The following TBC1D15 variants were observed in gnomAD, a reference collection of about 807,000 sequenced individuals.
TBC1D15 encodes the protein TBC1 domain family member 15.
In TBC1D15, 39 loss-of-function variants were observed where a neutral mutation model predicts 95.4. The ratio of observed to expected loss-of-function variants is 0.41; its 90% CI spans 0.32 to 0.53. The LOEUF (loss-of-function observed/expected upper bound fraction) is 0.53. Among genes scored for constraint, TBC1D15 ranks in the 20% least tolerant of loss-of-function variants. TBC1D15 has a pLI of 0.29. For missense variants in TBC1D15, 733 were observed against 794.3 expected (o/e 0.92, Z 0.93); for synonymous variants, 258 against 261.3 (o/e 0.99, Z 0.12).
In TBC1D15 at chr12:71,894,850, A is replaced by T; in HGVS notation, c.822A>T (p.Gln274His). 6.2e-7 allele frequency: 1 copy of T among 1,613,010 alleles called. No homozygotes were observed. Among genetic ancestry groups the T allele is most frequent in the Non-Finnish European group, 8.5e-7 (1 of 1,179,178 alleles). Residue 274 changes from glutamine to histidine, a missense_variant, in exon 7 of 17, where the codon CAA (glutamine) becomes CAT (histidine). By Grantham distance (24) the Gln-to-His change is conservative. Transcript: ENST00000485960. The part of the protein sequence containing the change: ...SDAIPGLKIN[Q>H]QEEPGFEVIT... Reference sequence around the variant, plus strand: ...CTATTCCAGGTCTAAAGATAAATCAACAAGAAGAACCAGGATTTGAAGTCA... The same window carrying T: ...CTATTCCAGGTCTAAAGATAAATCATCAAGAAGAACCAGGATTTGAAGTCA...
intron 16 of TBC1D15, 145 bp from the exon 17 acceptor site, chr12:71,922,838 G>A (rs1164424858): frequency 2.6e-6 from 2 of 765,754 alleles, no homozygotes; most frequent in African/African-American, 1.8e-5. Context: ...TGAGAAAAAT[G>A]TTGTGAGAAG....
chr12:71,914,268 C>G (rs1317103231), intron 12 of TBC1D15, among the ~76,000 whole-genome samples: 2 of 151,880 alleles, frequency 1.3e-5, no homozygotes, highest in Non-Finnish European at 2.9e-5. Context: ...TCATCTGTTT[C>G]AGAGATAAAG....
rs142131346 is a variant in TBC1D15, at chr12:71,916,524, G to C, written c.1402-1174G>C. ...ATTCATTAAAGAGAAACAGCTTATT[G>C]AGAATTAATAGACTTAAATTTTTTT... On this transcript the variant is annotated intron_variant, in intron 12 of 16. Transcript: ENST00000485960. Among the ~76,000 whole-genome samples, 763 of 152,300 alleles carry C rather than the reference G, an allele frequency of 5.0e-3. 6 individuals are homozygous for C. Among genetic ancestry groups the C allele is most frequent in the African/African-American group, 0.017 (710 of 41,570 alleles).
intron 11 of TBC1D15, among the ~76,000 whole-genome samples, chr12:71,912,783 C>G (rs971375430): frequency 9.2e-5 from 14 of 152,092 alleles, no homozygotes; most frequent in African/African-American, 3.1e-4. Flanking sequence ...CCCAAGCTAC[C>G]AATAAAGAAA....
intron 15 of TBC1D15, 147 bp from the exon 16 acceptor site, chr12:71,921,221 A>C (rs985952227): frequency 7.0e-6 from 3 of 429,430 alleles, no homozygotes; most frequent in Non-Finnish European, 8.1e-6. Flanking sequence ...AGATATATTG[A>C]ATTTCTTACG....
chr12:71,882,579 A>G (rs1895423567), intron 4 of TBC1D15, among the ~76,000 whole-genome samples: 1 of 152,234 alleles, frequency 6.6e-6, no homozygotes. Context: ...TTGAGTAGAA[A>G]GATATTTTGA....
chr12:71,892,013 T>A (rs570547941), intron 5 of TBC1D15, among the ~76,000 whole-genome samples: 1 of 152,270 alleles, frequency 6.6e-6, no homozygotes, highest in South Asian at 2.1e-4. Flanking sequence ...TTTTGTTTCT[T>A]TATTAGCTAC....
Position 71,923,284 on chromosome 12 carries a change from T to G in TBC1D15, c.*80T>G. 1 of 1,306,756 alleles carries G rather than the reference T, an allele frequency of 7.7e-7. No individual in the cohort carries two copies. Among genetic ancestry groups the G allele is most frequent in the Non-Finnish European group, 1.1e-6 (1 of 916,760 alleles). The allele number at this position is 1,306,756 out of a possible 1,614,324, so 80.9% of individuals were successfully genotyped here. On this transcript the variant is annotated 3_prime_UTR_variant, in exon 17 of 17. Transcript: ENST00000485960. ...ACTTGAAAGTTGAAAATTTGAAATC[T>G]TGGTATTGATCATGCTTTAAGGTTT...
intron 1 of TBC1D15, chr12:71,861,323 G>A (rs1890314362): frequency 5.5e-6 from 3 of 548,554 alleles, no homozygotes; most frequent in Non-Finnish European, 8.7e-6. Flanking sequence ...CCACAGTGAA[G>A]CCATTGGGTT....
In TBC1D15 at chr12:71,906,670, A is replaced by G. The variant is rs946570042; in HGVS notation, c.1184-352A>G. Among the ~76,000 whole-genome samples, 6 of 150,958 alleles carry G rather than the reference A, an allele frequency of 4.0e-5. No individual in the cohort carries two copies. In the South Asian group the frequency reaches 1.0e-3, roughly 26 times the overall value. On this transcript the variant is annotated intron_variant, in intron 10 of 16. Transcript: ENST00000485960. ...TATTAGTTTTCAAGTACTGGTATCT[A>G]TGACATGCATTAATGACTGGCATTT...
At chr12:71,899,096 G>T (rs1345845458) in intron 10 of TBC1D15, among the ~76,000 whole-genome samples, 1 of 152,162 alleles carries the variant, frequency 6.6e-6, no homozygotes, top group African/African-American at 2.4e-5. Context: ...AACTGGAAGG[G>T]AAGTTAGAGG....
intron 4 of TBC1D15, among the ~76,000 whole-genome samples, chr12:71,880,923 A>G (rs1411151667): frequency 6.6e-6 from 1 of 152,208 alleles, no homozygotes; most frequent in Non-Finnish European, 1.5e-5. Flanking sequence ...TAATCATGTT[A>G]TTTTATCCTA....
At chr12:71,887,165 G>C (rs1461608422) in intron 5 of TBC1D15, among the ~76,000 whole-genome samples, 1 of 130,376 alleles carries the variant, frequency 7.7e-6, no homozygotes, top group African/African-American at 3.1e-5. Flanking sequence ...CCGGATCATT[G>C]TATTAATCCC....
chr12:71,905,269 A>C (rs1286545260), intron 10 of TBC1D15, among the ~76,000 whole-genome samples: 3 of 152,188 alleles, frequency 2.0e-5, no homozygotes, highest in Non-Finnish European at 4.4e-5. Context: ...ATTATGCTTG[A>C]GTTAATAAAA....
At chr12:71,890,281 G>C (rs535851268) in intron 5 of TBC1D15, among the ~76,000 whole-genome samples, 57 of 152,190 alleles carry the variant, frequency 3.7e-4, no homozygotes, top group African/African-American at 1.2e-3. Context: ...TAAGTAAAAC[G>C]ATGTTTCCAG....
At chr12:71,849,782 A>G (rs147337327) in intron 1 of TBC1D15, 46 of 550,398 alleles carry the variant, frequency 8.4e-5, no homozygotes, top group Admixed American at 2.0e-4. Flanking sequence ...GATCTCCAAA[A>G]TTGACTCTGA....
intron 1 of TBC1D15, among the ~76,000 whole-genome samples, chr12:71,866,749 C>T (rs1017050096): frequency 6.6e-6 from 1 of 152,206 alleles, no homozygotes; most frequent in African/African-American, 2.4e-5. Flanking sequence ...CTGTGCCTGG[C>T]CTGTCTCCTC....
intron 11 of TBC1D15, among the ~76,000 whole-genome samples, chr12:71,910,775 G>A (rs1001287487): frequency 8.5e-5 from 13 of 152,088 alleles, no homozygotes; most frequent in Non-Finnish European, 1.6e-4. Flanking sequence ...TGACAAATGG[G>A]ATCTAATTAA....
chr12:71,881,911 C>T lies in TBC1D15; in HGVS notation c.343+1304C>T, dbSNP rs1390033269. 2.6e-5 allele frequency among the ~76,000 whole-genome samples: 3 copies of T among 116,956 alleles called. 1 individual carries two copies. The highest frequency in any genetic ancestry group is 6.0e-4 in the South Asian group (2 of 3,306). The allele number at this position is 116,956 out of a possible 152,430, so 76.7% of individuals were successfully genotyped here. On this transcript the variant is annotated intron_variant, in intron 4 of 16. Coordinates refer to ENST00000485960, the MANE Select transcript of TBC1D15 (RefSeq NM_001146213.3). ...GCAGCCTGGCAACACAGCAAGACTC[C>T]GTCTCAAAAAAAAAAAAAAAAAAAA... is the stretch of plus-strand genomic sequence containing the variant.
Sources: gnomAD v4.1 joint callset for allele counts (sites outside exome capture counted in the v4.1 genomes callset) on GRCh38, gnomAD v4.1.1 for gene constraint, MANE v1.5 for transcripts, NCBI Gene and HGNC (gene_info 2026-07-23, HGNC 2026-07-21) for gene names.